The following HTT-AS variants were observed in gnomAD, a reference collection of about 807,000 sequenced individuals.
The protein encoded by HTT-AS is HTT antisense RNA (head to head).
exon 3 of HTT-AS, among the ~76,000 whole-genome samples, chr4:3,049,166 G>A (rs1158147532): frequency 1.3e-5 from 2 of 152,162 alleles, no homozygotes; most frequent in Admixed American, 1.3e-4. Context: ...GTGCATGCCT[G>A]TAATCCCAGC....
At chr4:3,068,170 G>A (rs529583997) in intron 1 of HTT-AS, among the ~76,000 whole-genome samples, 1 of 151,888 alleles carries the variant, frequency 6.6e-6, no homozygotes, top group African/African-American at 2.4e-5. Flanking sequence ...GTCGGGCATG[G>A]TGGTGGGTGC....
At chr4:3,073,458 C>T (rs535915512) in intron 1 of HTT-AS, among the ~76,000 whole-genome samples, 1 of 152,364 alleles carries the variant, frequency 6.6e-6, no homozygotes, top group East Asian at 1.9e-4. Flanking sequence ...TGAATGACGC[C>T]CCTTGGGGGT....
At chr4:3,056,375 G>A (rs1234287465) in intron 2 of HTT-AS, among the ~76,000 whole-genome samples, 4 of 152,208 alleles carry the variant, frequency 2.6e-5, no homozygotes, top group Non-Finnish European at 5.9e-5. Context: ...AGAAATAGCT[G>A]GTTGGTTGCA....
chr4:3,049,947 CATAT>C (rs1409520763), intron 2 of HTT-AS, among the ~76,000 whole-genome samples: 2 of 127,802 alleles, frequency 1.6e-5, no homozygotes, highest in Non-Finnish European at 3.3e-5. Flanking sequence ...CACACACACA[CATAT>C]ACACTTTTTT....
At chr4:3,046,949 G>A (rs1711597697), downstream of HTT-AS, among the ~76,000 whole-genome samples, 1 of 152,174 alleles carries the variant, frequency 6.6e-6, no homozygotes. Context: ...AAGCCACCCA[G>A]CTGCCAAGGC....
Position 3,053,362 on chromosome 4 carries a change from G to A in HTT-AS, n.1381-3664C>T, listed in dbSNP as rs558546454. Among the ~76,000 whole-genome samples, 13 of 152,180 alleles carry A rather than the reference G, an allele frequency of 8.5e-5. No homozygotes were observed. The East Asian group carries it at 2.1e-3, about 25-fold the overall frequency. ...AGCCTGGCCAACCAGGCGAAACCCC[G>A]TCTCCACTAAAAATACAAAAATTAG... On this transcript the variant is annotated intron_variant and non_coding_transcript_variant, in intron 2 of 2. Transcript: ENST00000664062.
intron 1 of HTT-AS, among the ~76,000 whole-genome samples, chr4:3,073,470 C>T (rs1377338125): frequency 1.3e-5 from 2 of 152,230 alleles, no homozygotes; most frequent in East Asian, 1.9e-4. Flanking sequence ...CTTGGGGGTC[C>T]TGCCGGAAGG....
intron 1 of HTT-AS, among the ~76,000 whole-genome samples, chr4:3,072,046 C>T (rs1008660240): frequency 1.1e-4 from 16 of 152,234 alleles, no homozygotes; most frequent in Admixed American, 1.3e-4. Context: ...CATGTCTAGT[C>T]ATAGAGTTAT....
At chr4:3,063,092 G>C (rs187138216) in exon 2 of HTT-AS, among the ~76,000 whole-genome samples, 1 of 152,178 alleles carries the variant, frequency 6.6e-6, no homozygotes, top group African/African-American at 2.4e-5. Flanking sequence ...TCATAGTCTA[G>C]TTACACGATC....
chr4:3,061,253 G>A (rs1351675381), intron 2 of HTT-AS, among the ~76,000 whole-genome samples: 1 of 152,218 alleles, frequency 6.6e-6, no homozygotes, highest in African/African-American at 2.4e-5. Context: ...ATTCATATAT[G>A]TAAGAAGTAC....
At chr4:3,047,247 C>T (rs560887234), downstream of HTT-AS, among the ~76,000 whole-genome samples, 1 of 152,070 alleles carries the variant, frequency 6.6e-6, no homozygotes, top group African/African-American at 2.4e-5. Context: ...GGAGGCGGAG[C>T]TTGCAGTGAG....
chr4:3,067,508 C>T (rs1712077666), intron 1 of HTT-AS, among the ~76,000 whole-genome samples: 1 of 152,182 alleles, frequency 6.6e-6, no homozygotes, highest in East Asian at 1.9e-4. Context: ...CAGAAGGAGG[C>T]ACTTCTCTCC....
intron 2 of HTT-AS, among the ~76,000 whole-genome samples, chr4:3,056,253 G>A (rs1367921858): frequency 6.6e-6 from 1 of 152,190 alleles, no homozygotes; most frequent in Admixed American, 6.5e-5. Flanking sequence ...CGTGAATTGG[G>A]CAGTCCTCAG....
intron 1 of HTT-AS, among the ~76,000 whole-genome samples, chr4:3,066,738 C>G (rs182531882): frequency 1.4e-4 from 21 of 152,276 alleles, no homozygotes; most frequent in Admixed American, 3.9e-4. Flanking sequence ...CCTGGCATTG[C>G]AAACAAAAAT....
downstream of HTT-AS, among the ~76,000 whole-genome samples, chr4:3,047,265 T>C (rs563758613): frequency 1.3e-5 from 2 of 152,026 alleles, no homozygotes; most frequent in Admixed American, 6.6e-5. Flanking sequence ...GAGCCGAGAT[T>C]GCGCCACTGC....
Position 3,059,043 on chromosome 4 carries a change from A to T in HTT-AS, n.1380+3391T>A, listed in dbSNP as rs76393230. ...CTCATTTTACATTTCCACTTGTTAAACTGAAAACTGGCCCGAGAAAGCTTC... is the reference window on the plus strand; with the variant it reads ...CTCATTTTACATTTCCACTTGTTAATCTGAAAACTGGCCCGAGAAAGCTTC... On this transcript the variant is annotated intron_variant and non_coding_transcript_variant, in intron 2 of 2. Coordinates refer to ENST00000664062, the Ensembl canonical transcript of HTT-AS. 9.5e-4 allele frequency among the ~76,000 whole-genome samples: 145 copies of T among 152,276 alleles called. 2 individuals carry two copies. In the East Asian group the frequency reaches 0.027, roughly 28 times the overall value.
chr4:3,068,065 G>A lies in HTT-AS; in HGVS notation n.114-4365C>T, dbSNP rs527268584. Among the ~76,000 whole-genome samples, 245 of 152,192 alleles carry A rather than the reference G, an allele frequency of 1.6e-3. 2 individuals are homozygous for A. The highest frequency in any genetic ancestry group is 5.7e-3 in the African/African-American group (235 of 41,522). On this transcript the variant is annotated intron_variant and non_coding_transcript_variant, in intron 1 of 2. Transcript: ENST00000664062. Reference sequence around the variant, plus strand: ...TCAGGCCTGTAATCCCAGCACTTTGGGAGGCCGAGGCGGGTGGATCACGAG... The same window carrying A: ...TCAGGCCTGTAATCCCAGCACTTTGAGAGGCCGAGGCGGGTGGATCACGAG...
intron 1 of HTT-AS, among the ~76,000 whole-genome samples, chr4:3,064,174 C>T (rs1199422341): frequency 2.7e-5 from 4 of 149,088 alleles, no homozygotes; most frequent in African/African-American, 9.9e-5. Flanking sequence ...CAGCTCACTA[C>T]AAGCTCTGCC....
chr4:3,063,009 C>A (rs1367042730), exon 2 of HTT-AS, among the ~76,000 whole-genome samples: 1 of 152,128 alleles, frequency 6.6e-6, no homozygotes, highest in African/African-American at 2.4e-5. Flanking sequence ...CCTCCCCAGG[C>A]CAGGGGAGGG....
Sources: gnomAD v4.1 joint callset for allele counts (sites outside exome capture counted in the v4.1 genomes callset) on GRCh38, gnomAD v4.1.1 for gene constraint, MANE v1.5 for transcripts, NCBI Gene and HGNC (gene_info 2026-07-23, HGNC 2026-07-21) for gene names.